USP32: variants seen among roughly 807,000 people sequenced by gnomAD.
USP32 encodes the protein ubiquitin specific peptidase 32, also known as ubiquitin carboxyl-terminal hydrolase 32.
A neutral mutation model predicts 204.8 loss-of-function variants in USP32; 59 were observed. That is an observed-to-expected ratio of 0.29 (90% CI 0.23 to 0.36). USP32 has a LOEUF of 0.36. Ranked by LOEUF, USP32 falls within the 10% of genes least tolerant of loss-of-function variation. The probability of loss-of-function intolerance (pLI) is 1.00; values close to 1 mark genes in which losing one functional copy is unlikely to be tolerated. For missense variants in USP32, 1,160 were observed against 1,946.4 expected (o/e 0.60, Z 7.60); for synonymous variants, 517 against 678.4 (o/e 0.76, Z 3.70).
intron 1 of USP32, among the ~76,000 whole-genome samples, chr17:60,418,622 G>A (rs1371491812): frequency 1.3e-5 from 2 of 151,734 alleles, no homozygotes; most frequent in African/African-American, 4.8e-5. Context: ...ATCCTACAAA[G>A]GTCTAATATC....
chr17:60,390,802 A>G (rs2089820144), intron 1 of USP32, among the ~76,000 whole-genome samples: 1 of 152,200 alleles, frequency 6.6e-6, no homozygotes, highest in South Asian at 2.1e-4. Context: ...AAACCTGTTA[A>G]CAATAATGCC....
intron 9 of USP32, among the ~76,000 whole-genome samples, chr17:60,260,865 T>C (rs1285006999): frequency 1.3e-5 from 2 of 152,076 alleles, no homozygotes; most frequent in Admixed American, 6.5e-5. Context: ...CTAACATCCA[T>C]TGAGAATAAC....
At chr17:60,400,762 T>C (rs1212019186) in intron 1 of USP32, among the ~76,000 whole-genome samples, 1 of 152,214 alleles carries the variant, frequency 6.6e-6, no homozygotes, top group Non-Finnish European at 1.5e-5. Flanking sequence ...GGCTCATGCC[T>C]GTAATCCCAG....
At chr17:60,201,710 A>G (rs13380852) in intron 26 of USP32, among the ~76,000 whole-genome samples, 3,183 of 151,402 alleles carry the variant, frequency 0.021, 132 homozygotes, top group African/African-American at 0.073. Context: ...CCAGGCTGGA[A>G]TGCAATGGCA....
At chr17:60,327,094 G>T (rs920592546) in intron 2 of USP32, among the ~76,000 whole-genome samples, 1 of 152,258 alleles carries the variant, frequency 6.6e-6, no homozygotes, top group East Asian at 1.9e-4. Context: ...ACAACAATTG[G>T]TTGTATATTT....
intron 2 of USP32, among the ~76,000 whole-genome samples, chr17:60,313,759 C>T (rs181103459): frequency 2.8e-4 from 42 of 152,140 alleles, no homozygotes; most frequent in South Asian, 1.0e-3. Flanking sequence ...CATTACAAAG[C>T]TTTAACACAG....
At chr17:60,206,923 T>C in intron 25 of USP32, 98 bp downstream of exon 25, 1 of 1,503,932 alleles carries the variant, frequency 6.6e-7, no homozygotes, top group Non-Finnish European at 8.9e-7. Context: ...ATTCTTCTGC[T>C]ATAATATCCT....
chr17:60,252,280 A>T, intron 11 of USP32, 101 bp downstream of exon 11: 3 of 916,836 alleles, frequency 3.3e-6, no homozygotes, highest in Non-Finnish European at 4.9e-6. Context: ...TTTTTGAGAA[A>T]TAGTTAATGA....
intron 1 of USP32, among the ~76,000 whole-genome samples, chr17:60,372,543 TAA>T (rs78554998): frequency 7.4e-5 from 9 of 121,858 alleles, no homozygotes; most frequent in Non-Finnish European, 1.1e-4. Context: ...GCCTTAAAGA[TAA>T]AAAAAAAAAA....
In USP32 at chr17:60,269,528, C is replaced by T; in HGVS notation, c.733G>A (p.Asp245Asn). The change falls in exon 7 of 34, where the codon GAC (aspartate) becomes AAC (asparagine). Residue 245 changes from aspartate to asparagine, a missense_variant. Asp to Asn is a conservative substitution (Grantham distance 23). Coordinates refer to ENST00000300896, the MANE Select transcript of USP32 (RefSeq NM_032582.4). ...GLFNAFDENR[D>N]NHIDFKEISC... ...ATCTCCTTAAAATCTATGTGATTGT[C>T]ACGATTTTCATCAAAAGCATTAAAC... 1 of 1,610,198 alleles carries T rather than the reference C, an allele frequency of 6.2e-7. No homozygotes were observed.
chr17:60,181,545 C>G lies in USP32; in HGVS notation c.4327G>C (p.Asp1443His). The G allele has an allele frequency of 6.2e-7, 1 of 1,614,022 alleles. No individual in the cohort carries two copies. Among genetic ancestry groups the G allele is most frequent in the Non-Finnish European group, 8.5e-7 (1 of 1,179,876 alleles). Residue 1443 changes from aspartate (D) to histidine (H), a missense_variant, in exon 32 of 34, where the codon GAC (aspartate) becomes CAC (histidine). Physicochemically the swap from Asp to His is moderately conservative, Grantham distance 81. Transcript: ENST00000300896. ...AGCACATGCCCTCGACTCAAGGCGT[C>G]AGCCAGCTCACATATCTGCCCAGCC... ...NGAGQICELA[D>H]ALSRGHVLGG...
At chr17:60,371,080 T>C (rs983933852) in intron 1 of USP32, among the ~76,000 whole-genome samples, 2 of 150,670 alleles carry the variant, frequency 1.3e-5, no homozygotes, top group Non-Finnish European at 3.0e-5. Context: ...AAAATAAAAA[T>C]AATAAATTAA....
At chr17:60,327,719 G>T (rs2088278981) in intron 2 of USP32, among the ~76,000 whole-genome samples, 1 of 152,206 alleles carries the variant, frequency 6.6e-6, no homozygotes, top group African/African-American at 2.4e-5. Context: ...CACCCTCAGG[G>T]GTCCGGGGAA....
chr17:60,346,279 CT>C (rs2088783356), intron 1 of USP32, among the ~76,000 whole-genome samples: 1 of 152,048 alleles, frequency 6.6e-6, no homozygotes, highest in Non-Finnish European at 1.5e-5. Context: ...AAAGACAAAA[CT>C]TTAATATAGG....
chr17:60,189,056 G>A (rs1201514891), intron 29 of USP32, among the ~76,000 whole-genome samples: 1 of 152,252 alleles, frequency 6.6e-6, no homozygotes, highest in Non-Finnish European at 1.5e-5. Context: ...GATTTATAGA[G>A]CCAAATAATT....
chr17:60,267,126 A>G (rs60105269), intron 7 of USP32, among the ~76,000 whole-genome samples: 10,193 of 151,262 alleles, frequency 0.067, 1,205 homozygotes, highest in African/African-American at 0.23. Flanking sequence ...TCCTATTTAC[A>G]GCTGGGCATG....
At chr17:60,222,651 C>A in intron 14 of USP32, 102 bp from the exon 15 acceptor site, 1 of 1,094,404 alleles carries the variant, frequency 9.1e-7, no homozygotes, top group Non-Finnish European at 1.3e-6. Flanking sequence ...TATCACCACC[C>A]AGTTTCATGT....
At chr17:60,308,760 T>G (rs1244922981) in intron 2 of USP32, among the ~76,000 whole-genome samples, 1 of 152,122 alleles carries the variant, frequency 6.6e-6, no homozygotes, top group Non-Finnish European at 1.5e-5. Context: ...AAACCCTGTC[T>G]CTACTAAAAG....
At chr17:60,294,872 A>G in intron 3 of USP32, 71 bp from the exon 4 acceptor site, 1 of 951,374 alleles carries the variant, frequency 1.1e-6, no homozygotes, top group Non-Finnish European at 1.6e-6. Flanking sequence ...AGTAGGGAGA[A>G]AAGACAAAGC....
Sources: gnomAD v4.1 joint callset for allele counts (sites outside exome capture counted in the v4.1 genomes callset) on GRCh38, gnomAD v4.1.1 for gene constraint, MANE v1.5 for transcripts, NCBI Gene and HGNC (gene_info 2026-07-23, HGNC 2026-07-21) for gene names.